Variants in RC3H1 observed in about 807,000 individuals in gnomAD.
RC3H1 encodes the protein roquin-1.
In RC3H1, 50 loss-of-function variants were observed where a neutral mutation model predicts 138.2. The observed-to-expected ratio is 0.36, with a 90% CI of 0.29 to 0.46. The LOEUF is 0.46. RC3H1 is among the 20% of genes least tolerant of loss of function. The probability of loss-of-function intolerance (pLI) is 1.00; values close to 1 mark genes in which losing one functional copy is unlikely to be tolerated. For missense variants in RC3H1, 1,031 were observed against 1,388.1 expected, an observed-to-expected ratio of 0.74 and a Z score of 4.09; for synonymous variants, 462 against 489.1, an observed-to-expected ratio of 0.94 and a Z score of 0.73.
At chr1:173,949,146 C>T (rs1659274777) in intron 14 of RC3H1, among the ~76,000 whole-genome samples, 1 of 126,256 alleles carries the variant, frequency 7.9e-6, no homozygotes, top group African/African-American at 2.8e-5. Context: ...GGGGGTGGGG[C>T]TGGCATATAA....
chr1:173,973,153 T>G (rs1660436233), intron 7 of RC3H1, among the ~76,000 whole-genome samples: 3 of 152,238 alleles, frequency 2.0e-5, no homozygotes, highest in Admixed American at 1.3e-4. Context: ...CTGTGTGGAT[T>G]AAACAAAACT....
At chr1:173,943,403 C>G in intron 18 of RC3H1, 39 bp downstream of exon 18, 1 of 1,559,680 alleles carries the variant, frequency 6.4e-7, no homozygotes, top group Non-Finnish European at 8.7e-7. Context: ...TGAAAGATTT[C>G]ATTTCACCTT....
rs900412280 is a variant in RC3H1, at chr1:173,946,404, C to T, written c.2961+72G>A. On this transcript the variant is annotated intron_variant, in intron 17 of 19. Coordinates refer to ENST00000367696, the MANE Select transcript of RC3H1 (RefSeq NM_172071.4). ...CCTTAAAGTTTTTTGTTCACAGTGCCTCAAAAGTTCCTATTTAAAATCTCT... is the reference window on the plus strand; with the variant it reads ...CCTTAAAGTTTTTTGTTCACAGTGCTTCAAAAGTTCCTATTTAAAATCTCT... The T allele has an allele frequency of 3.4e-6, 5 of 1,466,178 alleles. No homozygotes were observed. The South Asian group carries it at 5.2e-5, about 15-fold the overall frequency. The allele number at this position is 1,466,178 out of a possible 1,614,324, so 90.8% of individuals were successfully genotyped here.
intron 18 of RC3H1, among the ~76,000 whole-genome samples, chr1:173,942,606 G>T (rs1658936597): frequency 6.6e-6 from 1 of 151,812 alleles, no homozygotes; most frequent in Non-Finnish European, 1.5e-5. Flanking sequence ...GCTGAGGCGG[G>T]CGGATCACGA....
chr1:174,011,681 G>C (rs1328700660), intron 1 of RC3H1, among the ~76,000 whole-genome samples: 1 of 152,014 alleles, frequency 6.6e-6, no homozygotes, highest in Non-Finnish European at 1.5e-5. Context: ...AAAATCAAGA[G>C]ACTGATATGA....
chr1:173,961,246 T>C lies in RC3H1; in HGVS notation c.2203-2A>G. 1 of 1,602,732 alleles carries C rather than the reference T, an allele frequency of 6.2e-7. No individual in the cohort carries two copies. The highest frequency in any genetic ancestry group is 8.5e-7 in the Non-Finnish European group (1 of 1,176,486). On this transcript the variant is annotated splice_acceptor_variant, in intron 12 of 19. Transcript: ENST00000367696. LOFTEE classifies it high-confidence loss of function. ...AGGAAGCCGGCTATAAGGAGGTTCC[T>C]AAAAATAGAAAGATTAGTTAAAATT...
intron 1 of RC3H1, among the ~76,000 whole-genome samples, chr1:174,011,692 G>A (rs1283594754): frequency 6.6e-6 from 1 of 152,034 alleles, no homozygotes; most frequent in East Asian, 1.9e-4. Context: ...ACTGATATGA[G>A]GACCTCCATT....
At chr1:173,969,635 A>G (rs1270854310) in intron 9 of RC3H1, among the ~76,000 whole-genome samples, 2 of 151,994 alleles carry the variant, frequency 1.3e-5, no homozygotes, top group African/African-American at 4.8e-5. Context: ...TGGGAGGCCA[A>G]GGCAGGAGGC....
In RC3H1 at chr1:173,946,765, G is replaced by A; in HGVS notation, c.2809C>T (p.Gln937Ter). 1 of 1,613,604 alleles carries A rather than the reference G, an allele frequency of 6.2e-7. No homozygotes were observed. The change falls in exon 16 of 20, where the codon CAG (glutamine) becomes TAG (stop). Residue 937 changes from glutamine (Q) to a stop codon, truncating the protein, a stop_gained. Coordinates refer to ENST00000367696, the MANE Select transcript of RC3H1 (RefSeq NM_172071.4). LOFTEE classifies it high-confidence loss of function. ...PYSPHQNIPS[Q>*]GHFSERERIS... is the part of the protein sequence containing the mutation. ...TCATACCTCTCACTGAAGTGTCCCT[G>A]AGAAGGTATGTTTTGATGAGGTGAA... is the stretch of plus-strand genomic sequence containing the variant.
intron 1 of RC3H1, chr1:174,015,984 T>G (rs1441107728): frequency 2.0e-5 from 3 of 152,120 alleles, no homozygotes; most frequent in African/African-American, 7.2e-5. Context: ...GTAGATCACC[T>G]GAGATCAGGA....
At chr1:174,015,758 T>C (rs1031134081) in intron 1 of RC3H1, 1 of 152,238 alleles carries the variant, frequency 6.6e-6, no homozygotes, top group Middle Eastern at 3.4e-3. Context: ...CAAGTGATCC[T>C]GCCACCTCGG....
At chr1:173,949,283 AT>A (rs1299298383) in intron 14 of RC3H1, among the ~76,000 whole-genome samples, 5 of 152,084 alleles carry the variant, frequency 3.3e-5, no homozygotes, top group Non-Finnish European at 7.4e-5. Context: ...GAAAATCTAT[AT>A]AATAACCTAG....
rs916395282 is a variant in RC3H1 at position 173,978,096 on chromosome 1, A to G, written c.1102+392T>C. ...AAGACAGGATACTTGAAGGAACAAG[A>G]TATCATGGAGAGGGCAAAAACAGGA... On this transcript the variant is annotated intron_variant, in intron 7 of 19. Coordinates refer to ENST00000367696, the MANE Select transcript of RC3H1 (RefSeq NM_172071.4). Among the ~76,000 whole-genome samples the G allele has an allele frequency of 2.6e-5, 4 of 152,310 alleles. No homozygotes were observed. In the South Asian group the frequency reaches 8.3e-4, roughly 32 times the overall value.
chr1:173,945,768 C>T (rs1445727563), intron 17 of RC3H1, among the ~76,000 whole-genome samples: 4 of 151,592 alleles, frequency 2.6e-5, no homozygotes, highest in South Asian at 4.2e-4. Context: ...AGTGCAATGG[C>T]GCAATCTTGG....
chr1:173,989,619 T>C (rs1361447301), intron 2 of RC3H1, among the ~76,000 whole-genome samples: 1 of 152,126 alleles, frequency 6.6e-6, no homozygotes, highest in Admixed American at 6.5e-5. Flanking sequence ...GAAAGACTTA[T>C]GTCTATATTT....
At chr1:173,993,792 G>A (rs1483652657) in intron 1 of RC3H1, among the ~76,000 whole-genome samples, 2 of 151,532 alleles carry the variant, frequency 1.3e-5, no homozygotes, top group African/African-American at 4.8e-5. Flanking sequence ...GGCCAAGGCA[G>A]GCAGATTCCT....
chr1:174,001,771 C>T (rs1661568865), intron 1 of RC3H1, among the ~76,000 whole-genome samples: 1 of 151,986 alleles, frequency 6.6e-6, no homozygotes, highest in African/African-American at 2.4e-5. Flanking sequence ...GAAAATTTAC[C>T]GATTAAGCAA....
intron 17 of RC3H1, 51 bp from the exon 18 acceptor site, chr1:173,943,666 C>T (rs1190338707): frequency 6.5e-7 from 1 of 1,537,654 alleles, no homozygotes. Context: ...TCACACCATG[C>T]ACAGAATAAC....
chr1:173,947,233 G>A, intron 15 of RC3H1, 136 bp downstream of exon 15: 1 of 649,300 alleles, frequency 1.5e-6, no homozygotes, highest in South Asian at 1.9e-5. Context: ...TTTCTTACAG[G>A]GATGATTCCA....
Sources: allele counts gnomAD v4.1 joint callset (sites outside exome capture counted in the v4.1 genomes callset), GRCh38; gene constraint gnomAD v4.1.1; transcripts MANE v1.5; gene names NCBI Gene and HGNC (gene_info 2026-07-23, HGNC 2026-07-21).